The following SLC71A1 variants were observed in gnomAD, a reference collection of about 807,000 sequenced individuals.
SLC71A1 encodes the protein solute carrier family 71 member 1, also known as hippocampus abundant gene transcript 1.
chr1:100,062,022 G>A, the SLC71A1 span: 7 of 903,926 alleles, frequency 7.7e-6, 1 homozygote, highest in South Asian at 1.1e-4. Context: ...ATTATTATAA[G>A]GAGTGCAAAC....
chr1:100,050,687 T>G, the SLC71A1 span, among the ~76,000 whole-genome samples: 1 of 152,172 alleles, frequency 6.6e-6, no homozygotes, highest in Non-Finnish European at 1.5e-5. Context: ...TATAAAAAAG[T>G]TATTTAATAG....
chr1:100,058,350 C>CATGA, the SLC71A1 span, among the ~76,000 whole-genome samples: 1 of 152,318 alleles, frequency 6.6e-6, no homozygotes, highest in South Asian at 2.1e-4. Context: ...CTCTTAGGTT[C>CATGA]AGCTTCAGCT....
the SLC71A1 span, chr1:100,061,753 C>T: frequency 3.8e-5 from 33 of 871,636 alleles, no homozygotes; most frequent in Admixed American, 1.2e-4. Context: ...GCTGCTCTTA[C>T]GCTTAATTAA....
At chr1:100,078,308 T>G in the SLC71A1 span, 17 of 577,082 alleles carry the variant, frequency 2.9e-5, no homozygotes, top group Admixed American at 1.3e-4. Flanking sequence ...GTTAAGCGAC[T>G]TGCCCATAGT....
the SLC71A1 span, chr1:100,077,252 T>C: frequency 6.4e-7 from 1 of 1,574,792 alleles, no homozygotes. Context: ...ACAGTTGGCA[T>C]GGTATGGCTT....
chr1:100,061,314 GC>G, the SLC71A1 span, among the ~76,000 whole-genome samples: 1 of 152,106 alleles, frequency 6.6e-6, no homozygotes, highest in African/African-American at 2.4e-5. Context: ...ACTGAATCCT[GC>G]CATATAGGTT....
the SLC71A1 span, chr1:100,082,617 A>G: frequency 6.4e-6 from 1 of 156,724 alleles, no homozygotes; most frequent in South Asian, 2.0e-4. Flanking sequence ...TAACATTGTA[A>G]AATTTTGAGT....
chr1:100,063,524 A>T, the SLC71A1 span, among the ~76,000 whole-genome samples: 7 of 152,164 alleles, frequency 4.6e-5, no homozygotes, highest in South Asian at 1.0e-3. Context: ...TGGAGGGGCC[A>T]GGTGCAGTGG....
the SLC71A1 span, chr1:100,059,799 T>C: frequency 7.7e-7 from 1 of 1,299,136 alleles, no homozygotes; most frequent in Non-Finnish European, 1.0e-6. Flanking sequence ...TGAAAATTTT[T>C]CTATAGGAGT....
chr1:100,064,109 G>A, the SLC71A1 span, among the ~76,000 whole-genome samples: 7 of 151,780 alleles, frequency 4.6e-5, no homozygotes, highest in Non-Finnish European at 1.0e-4. Context: ...TTATATGTAT[G>A]TGTGTGTGTG....
At chr1:100,079,813 T>C in the SLC71A1 span, 2 of 152,388 alleles carry the variant, frequency 1.3e-5, no homozygotes, top group African/African-American at 2.4e-5. Context: ...AAGCGGAGTT[T>C]GCAGTGAGCC....
chr1:100,072,876 G>A, the SLC71A1 span, among the ~76,000 whole-genome samples: 2 of 152,002 alleles, frequency 1.3e-5, no homozygotes, highest in Admixed American at 6.6e-5. Context: ...TTTTTTCTCA[G>A]TGTTTTCCTA....
chr1:100,067,917 A>G, the SLC71A1 span: 3 of 1,237,280 alleles, frequency 2.4e-6, no homozygotes, highest in Non-Finnish European at 3.6e-6. Flanking sequence ...GAAAGGAGTT[A>G]TGTGGTGTTG....
At chr1:100,068,225 TAAA>T in the SLC71A1 span, 1 of 1,536,622 alleles carries the variant, frequency 6.5e-7, no homozygotes, top group Non-Finnish European at 9.0e-7. Context: ...TTCTCCTTGA[TAAA>T]AAAGTGCATG....
the SLC71A1 span, among the ~76,000 whole-genome samples, chr1:100,054,022 C>T: frequency 6.8e-6 from 1 of 147,446 alleles, no homozygotes; most frequent in East Asian, 2.0e-4. Context: ...TGGAATTTAC[C>T]GGTTTTTTTT....
chr1:100,064,275 A>G, the SLC71A1 span, among the ~76,000 whole-genome samples: 2 of 151,560 alleles, frequency 1.3e-5, no homozygotes, highest in African/African-American at 2.4e-5. Context: ...CCCAGTAGCT[A>G]TGCCCACCAC....
chr1:100,078,394 A>C, the SLC71A1 span: 1 of 1,103,064 alleles, frequency 9.1e-7, no homozygotes, highest in Non-Finnish European at 1.4e-6. Flanking sequence ...ATGTAGTTTG[A>C]CTTTCAGGTA....
chr1:100,055,387 T>G, the SLC71A1 span, among the ~76,000 whole-genome samples: 5 of 151,682 alleles, frequency 3.3e-5, no homozygotes, highest in Non-Finnish European at 5.9e-5. Flanking sequence ...AACTTTCTCT[T>G]TGTGTGTGTG....
the SLC71A1 span, among the ~76,000 whole-genome samples, chr1:100,054,036 CTTTCCTTTTTTT>C: frequency 1.8e-3 from 247 of 134,340 alleles, 4 homozygotes; most frequent in African/African-American, 6.3e-3. Context: ...TTTTTTTTTT[CTTTCCTTTTTTT>C]TTTTTTTCAT....
Sources: gnomAD v4.1 joint callset for allele counts (sites outside exome capture counted in the v4.1 genomes callset) on GRCh38, gnomAD v4.1.1 for gene constraint, MANE v1.5 for transcripts, NCBI Gene and HGNC (gene_info 2026-07-23, HGNC 2026-07-21) for gene names.